Variants in MYPN observed in about 807,000 individuals in gnomAD.
The protein encoded by MYPN is myopalladin.
Under a neutral mutation model 129.4 loss-of-function variants are expected in MYPN, and 63 were observed. That is an observed-to-expected ratio of 0.49 (90% CI 0.40 to 0.60). MYPN has a LOEUF of 0.60. Ranked by LOEUF, MYPN falls within the 20% of genes least tolerant of loss-of-function variation. The pLI is 0.00. For missense variants in MYPN, 1,596 were observed against 1,635.4 expected (o/e 0.98, Z 0.42); for synonymous variants, 629 against 600.9 (o/e 1.05, Z -0.68).
intron 12 of MYPN, among the ~76,000 whole-genome samples, chr10:68,182,270 A>G: frequency 3.0e-5 from 1 of 33,128 alleles, no homozygotes; most frequent in African/African-American, 4.5e-5. Flanking sequence ...TATATAACAT[A>G]TATATAACAC....
chr10:68,157,871 C>T (rs2042906380), intron 6 of MYPN, among the ~76,000 whole-genome samples: 1 of 140,814 alleles, frequency 7.1e-6, no homozygotes, highest in Non-Finnish European at 1.6e-5. Flanking sequence ...AAAAAAAACA[C>T]CCCCGACCAA....
chr10:68,151,557 C>G (rs889464411), intron 6 of MYPN, among the ~76,000 whole-genome samples: 3 of 152,152 alleles, frequency 2.0e-5, no homozygotes, highest in African/African-American at 4.8e-5. Flanking sequence ...CTTATTGTCT[C>G]TTATCATCAT....
chr10:68,109,184 A>G (rs534666302), upstream of MYPN: 2 of 172,890 alleles, frequency 1.2e-5, no homozygotes, highest in South Asian at 2.8e-4. Context: ...TAAATTTCCT[A>G]TTGATTAAAA....
At position 68,175,319 on chromosome 10, in the gene MYPN, A is replaced by G. The variant is rs1435249762; in HGVS notation, c.2565-4A>G. The G allele has an allele frequency of 2.5e-6, 4 of 1,613,790 alleles. No individual in the cohort carries two copies. The South Asian group carries it at 4.4e-5, about 18-fold the overall frequency. On this transcript the variant is annotated splice_polypyrimidine_tract_variant and splice_region_variant and intron_variant, in intron 11 of 19. Transcript: ENST00000358913. Reference sequence around the variant, plus strand: ...GGTGTGTCAGGTGTGGATTTATCTTACAGGCCATCCCAGGGATTAGCGAAG... The same window carrying G: ...GGTGTGTCAGGTGTGGATTTATCTTGCAGGCCATCCCAGGGATTAGCGAAG...
rs1321441931 is a variant in MYPN, at chr10:68,115,764, G to A, written c.-1-5674G>A. 2.0e-5 allele frequency among the ~76,000 whole-genome samples: 3 copies of A among 152,122 alleles called. No individual in the cohort carries two copies. The East Asian group carries it at 5.8e-4, about 29-fold the overall frequency. On this transcript the variant is annotated intron_variant, in intron 1 of 19. Coordinates refer to ENST00000358913, the MANE Select transcript of MYPN (RefSeq NM_032578.4). ...TGGTCTGCAAGACCTTAAATGATCT[G>A]GCCTTGAACCTTTCTGCCCTCATTT...
chr10:68,091,393 CTTTTTTT>C (rs11301512), intron 1 of MYPN, among the ~76,000 whole-genome samples: 12 of 106,736 alleles, frequency 1.1e-4, no homozygotes, highest in Non-Finnish European at 1.8e-4. Context: ...GACTACAGCC[CTTTTTTT>C]TTTTTTTTTT....
intron 6 of MYPN, among the ~76,000 whole-genome samples, chr10:68,154,223 A>T (rs997049103): frequency 2.0e-5 from 3 of 152,142 alleles, no homozygotes; most frequent in African/African-American, 7.2e-5. Flanking sequence ...GGAAAACAGC[A>T]CTCACACTTC....
At chr10:68,174,777 G>C (rs12770237) in intron 11 of MYPN, 121 bp downstream of exon 11, 1 of 911,696 alleles carries the variant, frequency 1.1e-6, no homozygotes, top group Non-Finnish European at 1.7e-6. Context: ...TATTCTCTTA[G>C]GCACAGAATG....
At position 68,161,753 on chromosome 10, in the gene MYPN, G is replaced by A. The variant is rs112016439; in HGVS notation, c.1483+1G>A. Reference sequence around the variant, plus strand: ...GAACCTCGATCCATGGCAGAGCCAGGTAAAGATGATTTCAACTTTAATTTA... The same window carrying A: ...GAACCTCGATCCATGGCAGAGCCAGATAAAGATGATTTCAACTTTAATTTA... On this transcript the variant is annotated splice_donor_variant, in intron 8 of 19. Transcript: ENST00000358913. LOFTEE classifies it high-confidence loss of function. The A allele has an allele frequency of 5.6e-6, 9 of 1,608,814 alleles. No individual in the cohort carries two copies. The highest frequency in any genetic ancestry group is 4.0e-5 in the African/African-American group (3 of 74,698).
chr10:68,111,113 C>G (rs990651962), intron 1 of MYPN, among the ~76,000 whole-genome samples: 1 of 152,174 alleles, frequency 6.6e-6, no homozygotes, highest in African/African-American at 2.4e-5. Flanking sequence ...GTAGAACAGA[C>G]ACAGAACCAC....
intron 13 of MYPN, among the ~76,000 whole-genome samples, chr10:68,192,795 G>T (rs1365773551): frequency 6.6e-6 from 1 of 152,026 alleles, no homozygotes; most frequent in African/African-American, 2.4e-5. Context: ...TTTCCAATTT[G>T]CTGGCATATA....
intron 2 of MYPN, chr10:68,136,861 C>A: frequency 3.0e-6 from 3 of 994,110 alleles, no homozygotes; most frequent in Admixed American, 2.6e-5. Context: ...GCTTTAAAAG[C>A]CAAATGTTAT....
intron 8 of MYPN, among the ~76,000 whole-genome samples, chr10:68,163,188 G>T (rs570843711): frequency 6.6e-6 from 1 of 152,112 alleles, no homozygotes; most frequent in African/African-American, 2.4e-5. Context: ...CCAGCTACTC[G>T]GGAGGCTCAG....
chr10:68,161,707 C>A (rs1341344800), intron 7 of MYPN, 22 bp from the exon 8 acceptor site: 2 of 1,604,636 alleles, frequency 1.2e-6, no homozygotes, highest in East Asian at 4.5e-5. Flanking sequence ...TGCTCAGAAT[C>A]TTTTACTTTC....
chr10:68,098,656 C>T (rs2041968257), intron 1 of MYPN, among the ~76,000 whole-genome samples: 1 of 152,068 alleles, frequency 6.6e-6, no homozygotes, highest in Non-Finnish European at 1.5e-5. Context: ...CCAGCCTGGG[C>T]AACACGGCAA....
chr10:68,177,186 C>T (rs1008524784), intron 12 of MYPN, among the ~76,000 whole-genome samples: 24 of 152,158 alleles, frequency 1.6e-4, no homozygotes, highest in African/African-American at 4.3e-4. Context: ...TACATGTAAA[C>T]GTGAAATTCC....
intron 2 of MYPN, chr10:68,136,655 A>G: frequency 2.0e-6 from 3 of 1,534,786 alleles, no homozygotes; most frequent in Non-Finnish European, 2.6e-6. Flanking sequence ...TCTGACAGAG[A>G]GTTTGGGCAT....
At chr10:68,143,742 T>TTTTTGTTTTGTTTTG (rs533390464) in intron 3 of MYPN, among the ~76,000 whole-genome samples, 1 of 151,932 alleles carries the variant, frequency 6.6e-6, no homozygotes, top group Non-Finnish European at 1.5e-5. Flanking sequence ...GTTTTTTTGT[T>TTTTTGTTTTGTTTTG]TTTTGTTTTG....
At chr10:68,201,687 G>C (rs2043714210) in intron 17 of MYPN, 142 bp from the exon 18 acceptor site, 5 of 891,458 alleles carry the variant, frequency 5.6e-6, no homozygotes, top group South Asian at 4.7e-5. Flanking sequence ...AGAATCACCT[G>C]AACCTGGCAG....
Sources: allele counts gnomAD v4.1 joint callset (sites outside exome capture counted in the v4.1 genomes callset), GRCh38; gene constraint gnomAD v4.1.1; transcripts MANE v1.5; gene names NCBI Gene and HGNC (gene_info 2026-07-23, HGNC 2026-07-21).